DOK6: variants seen among roughly 807,000 people sequenced by gnomAD.
DOK6 encodes docking protein 6, also known as downstream of tyrosine kinase 6.
A neutral mutation model predicts 44.0 loss-of-function variants in DOK6; 22 were observed. The observed-to-expected ratio is 0.50, with a 90% CI of 0.36 to 0.71. DOK6 has a LOEUF of 0.71. Ranked by LOEUF, DOK6 falls within the 30% of genes least tolerant of loss-of-function variation. The pLI is 0.00. For missense variants in DOK6, 340 were observed against 416.4 expected (o/e 0.82, Z 1.60); for synonymous variants, 166 against 145.5 (o/e 1.14, Z -1.01).
At chr18:69,446,603 C>T (rs922327446) in intron 1 of DOK6, among the ~76,000 whole-genome samples, 7 of 152,144 alleles carry the variant, frequency 4.6e-5, no homozygotes, top group African/African-American at 1.7e-4. Flanking sequence ...AATGGTATTT[C>T]TAGTTCTAGA....
intron 5 of DOK6, among the ~76,000 whole-genome samples, chr18:69,704,824 CT>C (rs1162292481): frequency 2.0e-5 from 3 of 152,190 alleles, no homozygotes; most frequent in East Asian, 1.9e-4. Context: ...GAAAAAGATG[CT>C]TTTTTTCCCC....
intron 5 of DOK6, among the ~76,000 whole-genome samples, chr18:69,720,736 T>C (rs1986987971): frequency 6.6e-6 from 1 of 152,200 alleles, no homozygotes; most frequent in South Asian, 2.1e-4. Flanking sequence ...TTATTTCTTT[T>C]AGTAAGTCAG....
At chr18:69,801,861 G>A (rs181524226) in intron 7 of DOK6, among the ~76,000 whole-genome samples, 1 of 152,168 alleles carries the variant, frequency 6.6e-6, no homozygotes, top group African/African-American at 2.4e-5. Context: ...TTCTTGCAGA[G>A]TGTTGAGTAA....
intron 1 of DOK6, among the ~76,000 whole-genome samples, chr18:69,555,955 C>T (rs920169863): frequency 1.3e-5 from 2 of 152,200 alleles, no homozygotes; most frequent in African/African-American, 2.4e-5. Flanking sequence ...TCTGAGGCTA[C>T]ATTCATGAAT....
chr18:69,446,865 A>T (rs1018250301), intron 1 of DOK6, among the ~76,000 whole-genome samples: 4 of 152,160 alleles, frequency 2.6e-5, no homozygotes, highest in African/African-American at 9.7e-5. Context: ...CTTTTGAAAA[A>T]TGTCTGTTCA....
intron 7 of DOK6, among the ~76,000 whole-genome samples, chr18:69,804,822 A>G (rs1981007571): frequency 6.6e-6 from 1 of 152,296 alleles, no homozygotes; most frequent in East Asian, 1.9e-4. Flanking sequence ...CTTGTTCTGC[A>G]GCCTCAGTTA....
chr18:69,649,222 G>A (rs983869421), intron 3 of DOK6, among the ~76,000 whole-genome samples: 5 of 152,170 alleles, frequency 3.3e-5, no homozygotes, highest in African/African-American at 1.2e-4. Context: ...CAGAAAAAGA[G>A]GAAGGCTATA....
At chr18:69,535,170 C>A (rs577967363) in intron 1 of DOK6, among the ~76,000 whole-genome samples, 93 of 152,134 alleles carry the variant, frequency 6.1e-4, no homozygotes, top group African/African-American at 2.1e-3. Flanking sequence ...TGTGAATCAC[C>A]GTACGTTGTG....
intron 1 of DOK6, among the ~76,000 whole-genome samples, chr18:69,544,094 T>TA (rs34430095): frequency 0.2 from 28,233 of 142,080 alleles, 3,473 homozygotes; most frequent in Middle Eastern, 0.34. Context: ...CTGTCTCTAC[T>TA]AAAAAAAAAA....
intron 2 of DOK6, among the ~76,000 whole-genome samples, chr18:69,587,884 TTCTGTTTTATCATAGACAGTC>T (rs1191904241): frequency 6.6e-6 from 1 of 152,130 alleles, no homozygotes; most frequent in Non-Finnish European, 1.5e-5. Context: ...TAGATTGTCT[TTCTGTTTTATCATAGACAGTC>T]TCATAATAAT....
At chr18:69,645,474 A>G (rs958143772) in intron 3 of DOK6, among the ~76,000 whole-genome samples, 2 of 152,218 alleles carry the variant, frequency 1.3e-5, no homozygotes, top group African/African-American at 4.8e-5. Flanking sequence ...GTTGGGACCA[A>G]TTGTATCAGA....
intron 3 of DOK6, among the ~76,000 whole-genome samples, chr18:69,604,513 A>C (rs1476780839): frequency 6.6e-6 from 1 of 152,332 alleles, no homozygotes; most frequent in African/African-American, 2.4e-5. Context: ...GTTTTCAACT[A>C]CTTTAAATAT....
At chr18:69,517,083 T>C (rs1981547836) in intron 1 of DOK6, among the ~76,000 whole-genome samples, 1 of 152,176 alleles carries the variant, frequency 6.6e-6, no homozygotes, top group Admixed American at 6.5e-5. Flanking sequence ...TTGTAATTTT[T>C]GAATCTATTT....
At chr18:69,645,185 C>G (rs975104119) in intron 3 of DOK6, among the ~76,000 whole-genome samples, 1 of 151,598 alleles carries the variant, frequency 6.6e-6, no homozygotes, top group Non-Finnish European at 1.5e-5. Flanking sequence ...TGGATCTGTG[C>G]AACCACTGCT....
intron 1 of DOK6, among the ~76,000 whole-genome samples, chr18:69,445,652 TTGG>T (rs1979264639): frequency 1.3e-5 from 2 of 152,216 alleles, no homozygotes; most frequent in Admixed American, 6.5e-5. Context: ...TAAATCTCAC[TTGG>T]TTATTGTGTA....
intron 1 of DOK6, among the ~76,000 whole-genome samples, chr18:69,534,871 G>A (rs1012640712): frequency 6.6e-6 from 1 of 152,016 alleles, no homozygotes; most frequent in Admixed American, 6.6e-5. Context: ...TTATTCACAA[G>A]GAATATTCCA....
At chr18:69,834,474 A>T (rs927232323) in intron 7 of DOK6, among the ~76,000 whole-genome samples, 1 of 152,192 alleles carries the variant, frequency 6.6e-6, no homozygotes, top group African/African-American at 2.4e-5. Flanking sequence ...TATAGTAGAT[A>T]AATTATAGTT....
intron 1 of DOK6, among the ~76,000 whole-genome samples, chr18:69,433,678 C>CA (rs1978869482): frequency 6.6e-6 from 1 of 151,122 alleles, no homozygotes; most frequent in African/African-American, 2.4e-5. Flanking sequence ...GAAAAAAAAA[C>CA]AAAAACAAAA....
At chr18:69,685,133 C>A (rs1316067230) in intron 4 of DOK6, among the ~76,000 whole-genome samples, 1 of 151,866 alleles carries the variant, frequency 6.6e-6, no homozygotes, top group East Asian at 1.9e-4. Context: ...AAAATTAACG[C>A]AATTTAACAC....
Sources: gnomAD v4.1 joint callset for allele counts (sites outside exome capture counted in the v4.1 genomes callset) on GRCh38, gnomAD v4.1.1 for gene constraint, MANE v1.5 for transcripts, NCBI Gene and HGNC (gene_info 2026-07-23, HGNC 2026-07-21) for gene names.